The following PEAK1 variants were observed in gnomAD, a reference collection of about 807,000 sequenced individuals.
PEAK1 encodes pseudopodium enriched atypical kinase 1.
In PEAK1, 54 loss-of-function variants were observed where a neutral mutation model predicts 124.7. The ratio of observed to expected loss-of-function variants is 0.43; its 90% CI spans 0.35 to 0.54. The LOEUF (loss-of-function observed/expected upper bound fraction) is 0.54. Among genes scored for constraint, PEAK1 ranks in the 20% least tolerant of loss-of-function variants. PEAK1 has a pLI of 0.01. For synonymous variants in PEAK1, 719 were observed against 760.0 expected (o/e 0.95, Z 0.89); for missense variants, 2,046 against 2,134.5 (o/e 0.96, Z 0.82).
At chr15:77,346,229 A>C in intron 2 of PEAK1, 1 of 922,588 alleles carries the variant, frequency 1.1e-6, no homozygotes, top group South Asian at 5.0e-5. Context: ...AGAGTGCCAC[A>C]GTTTCAATGT....
chr15:77,271,372 G>A (rs181726528), intron 5 of PEAK1, among the ~76,000 whole-genome samples: 1 of 152,140 alleles, frequency 6.6e-6, no homozygotes, highest in African/African-American at 2.4e-5. Context: ...AGTCAGTGTG[G>A]CGATTCCTCA....
At chr15:77,389,107 C>A (rs2070229307) in intron 1 of PEAK1, among the ~76,000 whole-genome samples, 1 of 151,920 alleles carries the variant, frequency 6.6e-6, no homozygotes, top group Non-Finnish European at 1.5e-5. Flanking sequence ...CAGACATGCA[C>A]CAACTTTGGC....
At chr15:77,261,456 C>T (rs184961660) in intron 5 of PEAK1, among the ~76,000 whole-genome samples, 4 of 152,012 alleles carry the variant, frequency 2.6e-5, no homozygotes, top group South Asian at 2.1e-4. Context: ...AACCACGGCA[C>T]GAGAACTATG....
At chr15:77,405,062 G>C (rs1029026139) in intron 1 of PEAK1, among the ~76,000 whole-genome samples, 8 of 151,374 alleles carry the variant, frequency 5.3e-5, no homozygotes, top group African/African-American at 1.9e-4. Context: ...CTGGAGTGCA[G>C]TGGTGCAATC....
intron 1 of PEAK1, chr15:77,418,923 C>T (rs1008337393): frequency 4.0e-5 from 39 of 985,352 alleles, no homozygotes; most frequent in Non-Finnish European, 4.7e-5. Context: ...AAGCTGTTCA[C>T]GTACATCATC....
chr15:77,344,777 T>C (rs937937179), intron 2 of PEAK1, among the ~76,000 whole-genome samples: 1 of 152,234 alleles, frequency 6.6e-6, no homozygotes, highest in Non-Finnish European at 1.5e-5. Context: ...ACCTCCTTGG[T>C]TAATTTATTC....
At chr15:77,381,113 G>T in intron 1 of PEAK1, 1 of 682,128 alleles carries the variant, frequency 1.5e-6, no homozygotes, top group Non-Finnish European at 1.8e-6. Context: ...ACAGCAAAAT[G>T]CTACTATGGA....
intron 6 of PEAK1, among the ~76,000 whole-genome samples, chr15:77,250,601 T>A (rs1288671835): frequency 2.6e-5 from 4 of 151,756 alleles, no homozygotes; most frequent in Non-Finnish European, 5.9e-5. Flanking sequence ...CCAGGCTAAT[T>A]TTTTTTTATT....
intron 2 of PEAK1, among the ~76,000 whole-genome samples, chr15:77,324,683 G>A (rs551239142): frequency 2.0e-4 from 30 of 152,240 alleles, no homozygotes; most frequent in African/African-American, 6.0e-4. Flanking sequence ...CAAAGGGGGA[G>A]GAGGCATCAC....
chr15:77,348,017 AT>A, intron 2 of PEAK1: 9 of 985,374 alleles, frequency 9.1e-6, no homozygotes, highest in Non-Finnish European at 1.1e-5. Flanking sequence ...TAATGTTAAA[AT>A]TCCCAAACTA....
chr15:77,192,968 T>C (rs769315036), intron 6 of PEAK1, among the ~76,000 whole-genome samples: 1 of 152,194 alleles, frequency 6.6e-6, no homozygotes, highest in Non-Finnish European at 1.5e-5. Context: ...TCAAGGTGTA[T>C]ACGCACAGAC....
intron 1 of PEAK1, among the ~76,000 whole-genome samples, chr15:77,368,538 A>C (rs971997749): frequency 2.6e-5 from 4 of 152,002 alleles, no homozygotes; most frequent in Admixed American, 2.6e-4. Context: ...AAGAGTTAAA[A>C]GTTTTACCAC....
At chr15:77,261,805 T>G (rs1364760285) in intron 5 of PEAK1, among the ~76,000 whole-genome samples, 1 of 152,050 alleles carries the variant, frequency 6.6e-6, no homozygotes, top group Non-Finnish European at 1.5e-5. Context: ...GACACATAAT[T>G]GTCAGATTCA....
At chr15:77,331,000 A>C in intron 2 of PEAK1, 1 of 901,118 alleles carries the variant, frequency 1.1e-6, no homozygotes, top group Non-Finnish European at 1.3e-6. Context: ...GGATCAAAGT[A>C]TATCTAAAAT....
intron 1 of PEAK1, among the ~76,000 whole-genome samples, chr15:77,389,729 T>G (rs892979318): frequency 1.3e-5 from 2 of 152,182 alleles, no homozygotes; most frequent in African/African-American, 2.4e-5. Context: ...ACTACCTTTT[T>G]GTAGAAAGGC....
intron 2 of PEAK1, among the ~76,000 whole-genome samples, chr15:77,318,014 C>T (rs531920022): frequency 6.6e-6 from 1 of 152,184 alleles, no homozygotes; most frequent in Admixed American, 6.6e-5. Context: ...TAATGGTTGC[C>T]AGGGACCAGG....
intron 6 of PEAK1, among the ~76,000 whole-genome samples, chr15:77,229,199 C>A (rs2059802062): frequency 6.6e-6 from 1 of 152,008 alleles, no homozygotes; most frequent in Non-Finnish European, 1.5e-5. Flanking sequence ...TTTCTTAAGG[C>A]CTTTCTACTA....
chr15:77,354,422 T>C (rs930038510), intron 2 of PEAK1, among the ~76,000 whole-genome samples: 3 of 152,222 alleles, frequency 2.0e-5, no homozygotes, highest in Non-Finnish European at 4.4e-5. Context: ...TATAGCCTTC[T>C]AAGTGGTCTC....
At chr15:77,369,260 C>T (rs1338704872) in intron 1 of PEAK1, among the ~76,000 whole-genome samples, 5 of 152,110 alleles carry the variant, frequency 3.3e-5, no homozygotes, top group African/African-American at 9.7e-5. Flanking sequence ...GTTTTCATAG[C>T]ACTTAGAAAG....
Sources: gnomAD v4.1 joint callset for allele counts (sites outside exome capture counted in the v4.1 genomes callset) on GRCh38, gnomAD v4.1.1 for gene constraint, MANE v1.5 for transcripts, NCBI Gene and HGNC (gene_info 2026-07-23, HGNC 2026-07-21) for gene names.